LRP1B: variants seen among roughly 807,000 people sequenced by gnomAD.
LRP1B encodes low-density lipoprotein receptor-related protein 1B.
In LRP1B, 217 loss-of-function variants were observed where a neutral mutation model predicts 556.6. The observed-to-expected ratio is 0.39, with a 90% CI of 0.35 to 0.44. LRP1B has a LOEUF of 0.44. Ranked by LOEUF, LRP1B falls within the 20% of genes least tolerant of loss-of-function variation. The pLI is 1.00. For synonymous variants in LRP1B, 2,047 were observed against 1,865.8 expected (o/e 1.10, Z -2.50); for missense variants, 5,053 against 5,620.8 (o/e 0.90, Z 3.23).
At chr2:141,518,487 G>T (rs1400800867) in intron 2 of LRP1B, among the ~76,000 whole-genome samples, 1 of 151,894 alleles carries the variant, frequency 6.6e-6, no homozygotes, top group Non-Finnish European at 1.5e-5. Context: ...TTTCACTTTG[G>T]GTGTTTTCCC....
At chr2:140,682,701 T>TGTGTGC (rs1191337738) in intron 41 of LRP1B, among the ~76,000 whole-genome samples, 5 of 151,404 alleles carry the variant, frequency 3.3e-5, no homozygotes, top group East Asian at 1.9e-4. Flanking sequence ...TGTGTGTGCG[T>TGTGTGC]GCACCTTGTA....
chr2:141,769,324 C>T (rs746539824), intron 2 of LRP1B, among the ~76,000 whole-genome samples: 42 of 152,178 alleles, frequency 2.8e-4, no homozygotes, highest in Non-Finnish European at 5.3e-4. Context: ...TCACAATTCC[C>T]ACCATTAATG....
chr2:140,748,410 C>T (rs1267249828), intron 35 of LRP1B, among the ~76,000 whole-genome samples: 10 of 77,514 alleles, frequency 1.3e-4, no homozygotes, highest in African/African-American at 3.7e-4. Context: ...ATATTATATT[C>T]ATATATAATA....
At chr2:141,637,080 T>C (rs759280174) in intron 2 of LRP1B, among the ~76,000 whole-genome samples, 7 of 152,150 alleles carry the variant, frequency 4.6e-5, no homozygotes, top group African/African-American at 7.2e-5. Context: ...AACACGTCTT[T>C]TTTTAAGGCA....
chr2:140,403,172 A>T (rs1684582426), intron 66 of LRP1B, among the ~76,000 whole-genome samples: 1 of 152,228 alleles, frequency 6.6e-6, no homozygotes, highest in Non-Finnish European at 1.5e-5. Context: ...TAGAAGAATT[A>T]GTTTACCCAA....
At chr2:141,162,209 CTT>C (rs1397066766) in intron 7 of LRP1B, among the ~76,000 whole-genome samples, 1 of 152,020 alleles carries the variant, frequency 6.6e-6, no homozygotes, top group Admixed American at 6.6e-5. Context: ...TTTTGTCTCT[CTT>C]ATATCTGACT....
intron 3 of LRP1B, among the ~76,000 whole-genome samples, chr2:141,327,524 T>A (rs1441540399): frequency 1.3e-5 from 2 of 152,186 alleles, no homozygotes; most frequent in Non-Finnish European, 2.9e-5. Context: ...CAAATCCACA[T>A]CTATATTTTT....
intron 2 of LRP1B, among the ~76,000 whole-genome samples, chr2:141,650,255 G>A (rs931081373): frequency 1.3e-5 from 2 of 152,136 alleles, no homozygotes; most frequent in Non-Finnish European, 2.9e-5. Flanking sequence ...TCTAAGTTGA[G>A]GTTCTATAGT....
intron 7 of LRP1B, among the ~76,000 whole-genome samples, chr2:141,096,345 C>A (rs996873251): frequency 6.6e-6 from 1 of 151,784 alleles, no homozygotes; most frequent in African/African-American, 2.4e-5. Flanking sequence ...CCCAGCACTT[C>A]GGGAGGCTGA....
chr2:141,416,764 G>C (rs1691124651), intron 3 of LRP1B, among the ~76,000 whole-genome samples: 1 of 151,996 alleles, frequency 6.6e-6, no homozygotes, highest in Non-Finnish European at 1.5e-5. Context: ...ATCTCCATCA[G>C]GAGTTCTTAA....
At chr2:141,773,322 G>A (rs2105620404) in intron 2 of LRP1B, among the ~76,000 whole-genome samples, 1 of 152,186 alleles carries the variant, frequency 6.6e-6, no homozygotes, top group South Asian at 2.1e-4. Context: ...TTAAAATTCT[G>A]GGGAATACAT....
At chr2:141,953,271 T>G (rs535050512) in intron 1 of LRP1B, among the ~76,000 whole-genome samples, 1 of 152,260 alleles carries the variant, frequency 6.6e-6, no homozygotes, top group Admixed American at 6.5e-5. Flanking sequence ...CCTGTCTTAA[T>G]AAGTACCTGT....
intron 1 of LRP1B, among the ~76,000 whole-genome samples, chr2:141,963,721 A>T (rs926783659): frequency 4.5e-4 from 67 of 147,860 alleles, no homozygotes; most frequent in Non-Finnish European, 1.3e-4. Context: ...CCTATTCAAC[A>T]TAGTGTTGGA....
chr2:140,922,315 C>G (rs1194714348), intron 21 of LRP1B, among the ~76,000 whole-genome samples: 1 of 151,590 alleles, frequency 6.6e-6, no homozygotes, highest in Admixed American at 6.6e-5. Flanking sequence ...CGCACACACA[C>G]GCACACACAC....
At position 140,840,962 on chromosome 2, in the gene LRP1B, A is replaced by G. The variant is rs1278709809; in HGVS notation, c.5070T>C (p.His1690=). The stretch of plus-strand genomic sequence containing the variant: ...CAAGACACTGTGGCTTATCGATTCC[A>G]TGGATAATTGAGGTTTTCAAAGAGC... The part of the protein sequence containing the change: ...LDGSLKTSII[H]GIDKPQCLAA... Residue 1690 remains histidine, a synonymous_variant, in exon 30 of 91, where the codon CAT becomes CAC. Coordinates refer to ENST00000389484, the MANE Select transcript of LRP1B (RefSeq NM_018557.3). 2 of 1,613,464 alleles carry G rather than the reference A, an allele frequency of 1.2e-6. No homozygotes were observed. The highest frequency in any genetic ancestry group is 8.5e-7 in the Non-Finnish European group (1 of 1,179,652).
chr2:140,821,318 T>C (rs959090600), intron 31 of LRP1B, among the ~76,000 whole-genome samples: 5 of 152,158 alleles, frequency 3.3e-5, no homozygotes, highest in Admixed American at 6.5e-5. Flanking sequence ...ATGTAATATA[T>C]TTAAATTATT....
chr2:140,286,488 C>T (rs886423715), intron 84 of LRP1B, among the ~76,000 whole-genome samples: 4 of 151,816 alleles, frequency 2.6e-5, no homozygotes, highest in African/African-American at 9.7e-5. Context: ...ATTGGCCACT[C>T]TAGACATGCC....
At chr2:140,926,476 G>C (rs1694889202) in intron 20 of LRP1B, among the ~76,000 whole-genome samples, 1 of 151,802 alleles carries the variant, frequency 6.6e-6, no homozygotes, top group Non-Finnish European at 1.5e-5. Flanking sequence ...CAAGTAGCTG[G>C]GACCACAGGT....
At chr2:141,091,461 TGGA>T (rs1427782316) in intron 7 of LRP1B, among the ~76,000 whole-genome samples, 1 of 152,188 alleles carries the variant, frequency 6.6e-6, no homozygotes, top group Non-Finnish European at 1.5e-5. Context: ...ACTGACTGTG[TGGA>T]GTTTTCACAT....
Sources: allele counts gnomAD v4.1 joint callset (sites outside exome capture counted in the v4.1 genomes callset), GRCh38; gene constraint gnomAD v4.1.1; transcripts MANE v1.5; gene names NCBI Gene and HGNC (gene_info 2026-07-23, HGNC 2026-07-21).